USP13: variants seen among roughly 807,000 people sequenced by gnomAD.
The protein encoded by USP13 is ubiquitin carboxyl-terminal hydrolase 13.
USP13 carries 68 observed loss-of-function variants against 107.8 expected under a neutral mutation model. That is an observed-to-expected ratio of 0.63 (90% confidence interval 0.52 to 0.77). The LOEUF is 0.77. USP13 is among the 30% of genes least tolerant of loss of function. The pLI is 0.00. For missense variants in USP13, 945 were observed against 1,093.3 expected (o/e 0.86, Z 1.91); for synonymous variants, 377 against 389.5 (o/e 0.97, Z 0.38).
intron 6 of USP13, among the ~76,000 whole-genome samples, chr3:179,712,006 T>C (rs1712948533): frequency 6.6e-6 from 1 of 152,226 alleles, no homozygotes; most frequent in South Asian, 2.1e-4. Context: ...TGCTACAACA[T>C]GATGGTTATA....
At chr3:179,683,576 A>C (rs1472161095) in intron 2 of USP13, among the ~76,000 whole-genome samples, 7 of 152,144 alleles carry the variant, frequency 4.6e-5, no homozygotes, top group Non-Finnish European at 1.0e-4. Flanking sequence ...TGTGCAGGGA[A>C]ATTCCCATTT....
At chr3:179,655,556 TG>T (rs572876646) in intron 1 of USP13, among the ~76,000 whole-genome samples, 5,729 of 139,144 alleles carry the variant, frequency 0.041, 464 homozygotes, top group East Asian at 0.17. Flanking sequence ...AGGTTTTTTT[TG>T]TTTTGTTTTG....
At chr3:179,758,284 G>T (rs1714876084) in intron 16 of USP13, among the ~76,000 whole-genome samples, 1 of 152,074 alleles carries the variant, frequency 6.6e-6, no homozygotes, top group Non-Finnish European at 1.5e-5. Flanking sequence ...GCTGTGGAGA[G>T]CTGGCCTGCA....
chr3:179,708,736 C>T lies in USP13; in HGVS notation c.621-37C>T, dbSNP rs371834641. 31 of 1,607,924 alleles carry T rather than the reference C, an allele frequency of 1.9e-5. 1 individual carries two copies. Among genetic ancestry groups the T allele is most frequent in the African/African-American group, 8.0e-5 (6 of 74,578 alleles). On this transcript the variant is annotated intron_variant, in intron 5 of 20. Transcript: ENST00000263966. ...TTAGATGTTAAGTTTTAAAATTATG[C>T]CCTGGCTGTTCTGACTACTCTCCAA... is the stretch of plus-strand genomic sequence containing the variant.
intron 6 of USP13, among the ~76,000 whole-genome samples, chr3:179,717,746 A>G (rs1434499438): frequency 6.6e-6 from 1 of 152,120 alleles, no homozygotes; most frequent in Non-Finnish European, 1.5e-5. Flanking sequence ...GTTTCAATTT[A>G]TTAGTTCAAA....
intron 3 of USP13, among the ~76,000 whole-genome samples, chr3:179,694,518 G>A (rs987956444): frequency 6.6e-6 from 1 of 151,980 alleles, no homozygotes; most frequent in African/African-American, 2.4e-5. Flanking sequence ...AGAGGAAAGG[G>A]GAGGCCGGGC....
At chr3:179,670,690 AATTTTTTT>A (rs1448514324) in intron 1 of USP13, among the ~76,000 whole-genome samples, 2 of 124,880 alleles carry the variant, frequency 1.6e-5, no homozygotes, top group Non-Finnish European at 3.5e-5. Flanking sequence ...GTAATCCAGC[AATTTTTTT>A]ATTTTTTTAT....
chr3:179,714,698 G>A (rs921510048), intron 6 of USP13, among the ~76,000 whole-genome samples: 2 of 152,026 alleles, frequency 1.3e-5, no homozygotes, highest in African/African-American at 4.8e-5. Flanking sequence ...GACCAGCCTG[G>A]GCAGCATAGT....
intron 13 of USP13, among the ~76,000 whole-genome samples, chr3:179,749,160 A>G (rs1017809715): frequency 5.3e-5 from 8 of 152,210 alleles, no homozygotes; most frequent in African/African-American, 1.9e-4. Context: ...GAAGAGGTAC[A>G]GTTTATATTT....
At chr3:179,670,802 A>G (rs552389949) in intron 1 of USP13, among the ~76,000 whole-genome samples, 2 of 152,044 alleles carry the variant, frequency 1.3e-5, no homozygotes, top group South Asian at 4.2e-4. Context: ...GGTTCTAGCG[A>G]TTCTTCTGCC....
At chr3:179,705,473 C>A (rs897256176) in intron 4 of USP13, among the ~76,000 whole-genome samples, 4 of 152,172 alleles carry the variant, frequency 2.6e-5, no homozygotes, top group African/African-American at 9.7e-5. Flanking sequence ...AATCTACTTT[C>A]TAGCTCTATA....
chr3:179,775,865 C>T (rs1362582972), intron 19 of USP13, among the ~76,000 whole-genome samples: 1 of 152,214 alleles, frequency 6.6e-6, no homozygotes, highest in Non-Finnish European at 1.5e-5. Context: ...TCCACCTGCG[C>T]CTCTCCCTCC....
At chr3:179,673,142 G>GT (rs1720795771) in intron 1 of USP13, among the ~76,000 whole-genome samples, 1 of 152,174 alleles carries the variant, frequency 6.6e-6, no homozygotes, top group Admixed American at 6.5e-5. Flanking sequence ...GCCTCAGGCT[G>GT]TTTTTCTATG....
At chr3:179,775,884 C>T (rs916023589) in intron 19 of USP13, among the ~76,000 whole-genome samples, 2 of 152,216 alleles carry the variant, frequency 1.3e-5, no homozygotes, top group Non-Finnish European at 2.9e-5. Context: ...CCACACCTTG[C>T]AAGCAGAGGG....
chr3:179,703,524 C>G (rs1712606576), intron 4 of USP13, among the ~76,000 whole-genome samples: 1 of 152,160 alleles, frequency 6.6e-6, no homozygotes, highest in Admixed American at 6.5e-5. Flanking sequence ...GCTTGAAATC[C>G]AATGCCTTCA....
At position 179,699,739 on chromosome 3, in the gene USP13, CTTAT is replaced by C. The variant is rs148002875; in HGVS notation, c.356-1262_356-1259del. On this transcript the variant is annotated intron_variant, in intron 3 of 20. Transcript: ENST00000263966. ...AGCTTAGATTGCATTTTAGCTGTATCTTATTTATTTTATTTATTTATTTATTTAT... is the reference window on the plus strand; with the variant it reads ...AGCTTAGATTGCATTTTAGCTGTATCTTATTTTATTTATTTATTTATTTAT... Among the ~76,000 whole-genome samples, 845 of 137,292 alleles carry C rather than the reference CTTAT, an allele frequency of 6.2e-3. 8 individuals are homozygous for C. Among genetic ancestry groups the C allele is most frequent in the African/African-American group, 0.02 (721 of 35,844 alleles). 90.1% of individuals were successfully genotyped at this position (137,292 alleles called of 152,430 possible). A position where few individuals can be genotyped will look rare whatever the true frequency, so the allele number is the denominator to read the frequency against.
Position 179,675,531 on chromosome 3 carries a change from C to T in USP13, c.169-6347C>T, listed in dbSNP as rs1720868368. 2.3e-5 allele frequency among the ~76,000 whole-genome samples: 3 copies of T among 132,294 alleles called. No individual in the cohort carries two copies. The South Asian group carries it at 7.0e-4, about 31-fold the overall frequency. 86.8% of individuals were successfully genotyped at this position (132,294 alleles called of 152,430 possible). A position where few individuals can be genotyped will look rare whatever the true frequency, so the allele number is the denominator to read the frequency against. The stretch of plus-strand genomic sequence containing the variant: ...AATGCTATATGAGTTTTATCTGTAA[C>T]CTATTTTATTATTATTATTATTATT... On this transcript the variant is annotated intron_variant, in intron 1 of 20. Transcript: ENST00000263966.
At chr3:179,762,558 G>A (rs1207035486) in intron 17 of USP13, among the ~76,000 whole-genome samples, 2 of 152,128 alleles carry the variant, frequency 1.3e-5, no homozygotes, top group East Asian at 1.9e-4. Context: ...TCCAGCCTGG[G>A]CAACAGAGTG....
chr3:179,762,256 G>T (rs1363948676), intron 17 of USP13, among the ~76,000 whole-genome samples: 1 of 152,200 alleles, frequency 6.6e-6, no homozygotes, highest in Admixed American at 6.5e-5. Flanking sequence ...TGTAGCATGT[G>T]TCAGTACTTC....
Sources: gnomAD v4.1 joint callset for allele counts (sites outside exome capture counted in the v4.1 genomes callset) on GRCh38, gnomAD v4.1.1 for gene constraint, MANE v1.5 for transcripts, NCBI Gene and HGNC (gene_info 2026-07-23, HGNC 2026-07-21) for gene names.